The following TSEN15 variants were observed in gnomAD, a reference collection of about 807,000 sequenced individuals.
TSEN15 encodes the protein tRNA-splicing endonuclease subunit Sen15.
TSEN15 carries 10 observed loss-of-function variants against 20.5 expected under a neutral mutation model. The observed-to-expected ratio is 0.49, with a 90% CI of 0.30 to 0.83. TSEN15 has a LOEUF of 0.83. Ranked by LOEUF, TSEN15 falls within the 40% of genes least tolerant of loss-of-function variation. The pLI, the probability that TSEN15 is intolerant of heterozygous loss-of-function variation, is 0.06. For missense variants in TSEN15, 180 were observed against 218.6 expected, an observed-to-expected ratio of 0.82 and a Z score of 1.11; for synonymous variants, 72 against 80.1, an observed-to-expected ratio of 0.90 and a Z score of 0.54.
At chr1:184,081,625 C>G (rs1034945204) in intron 3 of TSEN15, among the ~76,000 whole-genome samples, 3 of 152,176 alleles carry the variant, frequency 2.0e-5, no homozygotes, top group African/African-American at 7.2e-5. Flanking sequence ...GATTTAACAA[C>G]TGGATAGCTG....
chr1:184,089,784 A>G (rs770622352), intron 3 of TSEN15, among the ~76,000 whole-genome samples: 1 of 152,100 alleles, frequency 6.6e-6, no homozygotes, highest in Non-Finnish European at 1.5e-5. Flanking sequence ...AGGAAAATGT[A>G]TGGAATTCAA....
At position 184,073,784 on chromosome 1, in the gene TSEN15, T is replaced by A. The variant is rs1293188561; in HGVS notation, c.*937T>A. On this transcript the variant is annotated 3_prime_UTR_variant, in exon 5 of 5. Coordinates refer to ENST00000645668, the MANE Select transcript of TSEN15 (RefSeq NM_052965.4). The stretch of plus-strand genomic sequence containing the variant: ...TAGGTTTTTAAACCTACTGTCTCTG[T>A]CATAACTTGTCAACACTGCTGTATG... The A allele has an allele frequency of 6.6e-6, 1 of 152,230 alleles. No homozygotes were observed. The highest frequency in any genetic ancestry group is 1.5e-5 in the Non-Finnish European group (1 of 68,014). 9.4% of individuals were successfully genotyped at this position (152,230 alleles called of 1,614,324 possible). A position where few individuals can be genotyped will look rare whatever the true frequency, so the allele number is the denominator to read the frequency against.
At chr1:184,081,436 A>G (rs918364422) in intron 3 of TSEN15, among the ~76,000 whole-genome samples, 3 of 152,182 alleles carry the variant, frequency 2.0e-5, no homozygotes, top group Non-Finnish European at 4.4e-5. Context: ...GCAATTAGGA[A>G]GCAGCCCATG....
intron 3 of TSEN15, among the ~76,000 whole-genome samples, chr1:184,082,413 T>G (rs1651187182): frequency 6.6e-6 from 1 of 152,164 alleles, no homozygotes; most frequent in Non-Finnish European, 1.5e-5. Flanking sequence ...CATATGTGCT[T>G]CTCTGCTGTC....
exon 4 of TSEN15, chr1:184,096,824 A>G (rs984544069): frequency 5.9e-5 from 9 of 152,232 alleles, no homozygotes; most frequent in Non-Finnish European, 1.2e-4. Context: ...AGCTCTCGTG[A>G]GACTATCATG....
chr1:184,060,303 C>G (rs1333026153), intron 3 of TSEN15, among the ~76,000 whole-genome samples: 5 of 152,192 alleles, frequency 3.3e-5, no homozygotes, highest in African/African-American at 1.2e-4. Flanking sequence ...TCTCGACATG[C>G]AAAGGAAAAT....
At chr1:184,066,835 G>A (rs532257408) in intron 3 of TSEN15, among the ~76,000 whole-genome samples, 2 of 152,186 alleles carry the variant, frequency 1.3e-5, no homozygotes, top group Non-Finnish European at 2.9e-5. Context: ...ACAAAACAAC[G>A]TGCTGGGATT....
At chr1:184,071,944 C>G (rs1451065039) in intron 3 of TSEN15, 3 of 451,852 alleles carry the variant, frequency 6.6e-6, no homozygotes, top group African/African-American at 6.1e-5. Context: ...CATTCTCTTT[C>G]CTTTCCTTCT....
intron 3 of TSEN15, among the ~76,000 whole-genome samples, chr1:184,069,089 C>G (rs966499106): frequency 1.3e-5 from 2 of 152,048 alleles, no homozygotes; most frequent in Non-Finnish European, 2.9e-5. Flanking sequence ...AAGGTATTAG[C>G]CAAATAGTGT....
intron 3 of TSEN15, 92 bp downstream of exon 3, chr1:184,054,955 G>T (rs1249627946): frequency 5.7e-6 from 8 of 1,410,256 alleles, no homozygotes; most frequent in Admixed American, 4.9e-5. Flanking sequence ...TGAAATTTGG[G>T]ATACAGGGTT....
rs540908772 is a variant in TSEN15, at chr1:184,055,244, GA to G, written c.353+382del. Among the ~76,000 whole-genome samples, 26 of 152,134 alleles carry G rather than the reference GA, an allele frequency of 1.7e-4. No homozygotes were observed. In the East Asian group the frequency reaches 4.6e-3, roughly 27 times the overall value. On this transcript the variant is annotated intron_variant, in intron 3 of 4. Coordinates refer to ENST00000645668, the MANE Select transcript of TSEN15 (RefSeq NM_052965.4). ...AAAAGCAGGAGTGAGAGAGAGTGTT[GA>G]GGGGGAGGTTCCACACACTTTTAAA...
chr1:184,070,964 A>G (rs1485706418), intron 3 of TSEN15: 1 of 159,678 alleles, frequency 6.3e-6, no homozygotes. Context: ...GTTAGTATTC[A>G]GTTTTAGCAA....
downstream of TSEN15, among the ~76,000 whole-genome samples, chr1:184,074,535 CTGGT>C (rs1026739685): frequency 1.3e-5 from 2 of 152,168 alleles, no homozygotes; most frequent in African/African-American, 2.4e-5. Context: ...CTCAATATAA[CTGGT>C]TGCTTCCTCA....
intron 3 of TSEN15, among the ~76,000 whole-genome samples, chr1:184,064,402 A>G (rs892025467): frequency 3.9e-5 from 6 of 152,112 alleles, no homozygotes; most frequent in Non-Finnish European, 5.9e-5. Flanking sequence ...AATGGCAGAG[A>G]GAGTACCTGC....
chr1:184,058,645 A>G (rs953410539), intron 3 of TSEN15, among the ~76,000 whole-genome samples: 2 of 152,100 alleles, frequency 1.3e-5, no homozygotes, highest in Admixed American at 6.5e-5. Context: ...CTGTGTTAGT[A>G]ACACAGAGAA....
At chr1:184,095,394 C>G (rs1651430369) in intron 3 of TSEN15, 2 of 380,524 alleles carry the variant, frequency 5.3e-6, no homozygotes, top group African/African-American at 2.1e-5. Flanking sequence ...CCCTGGCTTC[C>G]CACACTTGTG....
At chr1:184,054,559 T>C in intron 2 of TSEN15, 124 bp downstream of exon 2, 1 of 1,176,076 alleles carries the variant, frequency 8.5e-7, no homozygotes, top group Admixed American at 2.4e-5. Context: ...AATTTTGCAA[T>C]TTATTTATTT....
intron 3 of TSEN15, among the ~76,000 whole-genome samples, chr1:184,092,544 G>T (rs1651378676): frequency 6.6e-6 from 1 of 152,220 alleles, no homozygotes; most frequent in Non-Finnish European, 1.5e-5. Context: ...AAGGACTGGG[G>T]AGCTTGGACC....
chr1:184,070,791 T>A, intron 3 of TSEN15: 1 of 544,940 alleles, frequency 1.8e-6, no homozygotes, highest in Non-Finnish European at 2.5e-6. Flanking sequence ...TTCTCTAAAG[T>A]AAATCATTCT....
Sources: allele counts gnomAD v4.1 joint callset (sites outside exome capture counted in the v4.1 genomes callset), GRCh38; gene constraint gnomAD v4.1.1; transcripts MANE v1.5; gene names NCBI Gene and HGNC (gene_info 2026-07-23, HGNC 2026-07-21).